Variants in CD48 observed in about 807,000 individuals in gnomAD.
The protein encoded by CD48 is CD48 molecule.
In CD48, 20 loss-of-function variants were observed where a neutral mutation model predicts 22.0. The ratio of observed to expected loss-of-function variants is 0.91; its 90% confidence interval spans 0.64 to 1.32. CD48 has a LOEUF of 1.32. Ranked by LOEUF, CD48 falls within the 40% of genes most tolerant of loss-of-function variation. The probability of loss-of-function intolerance (pLI) is 0.00; values close to 1 mark genes in which losing one functional copy is unlikely to be tolerated. For synonymous variants in CD48, 110 were observed against 110.1 expected (o/e 1.00, Z 0.01); for missense variants, 307 against 286.5 (o/e 1.07, Z -0.52).
chr1:160,709,148 G>A (rs938433111), intron 1 of CD48, among the ~76,000 whole-genome samples: 1 of 151,968 alleles, frequency 6.6e-6, no homozygotes, highest in African/African-American at 2.4e-5. Context: ...GTGGCAGCTT[G>A]TTAAATAGCA....
intron 2 of CD48, among the ~76,000 whole-genome samples, chr1:160,683,181 C>T (rs142530645): frequency 7.2e-5 from 11 of 152,332 alleles, no homozygotes; most frequent in African/African-American, 2.4e-4. Flanking sequence ...AGCCTCATAT[C>T]TTACACTCCT....
intron 1 of CD48, among the ~76,000 whole-genome samples, chr1:160,694,734 G>C (rs1005206640): frequency 6.6e-6 from 1 of 152,158 alleles, no homozygotes; most frequent in Non-Finnish European, 1.5e-5. Flanking sequence ...AATCACGGAA[G>C]AGAAGGAACA....
At chr1:160,688,369 C>A (rs1449007121) in intron 1 of CD48, among the ~76,000 whole-genome samples, 1 of 152,218 alleles carries the variant, frequency 6.6e-6, no homozygotes, top group African/African-American at 2.4e-5. Context: ...GGTAAAGTTA[C>A]TGGAATCCAG....
chr1:160,705,722 T>C (rs1308226314), intron 1 of CD48, among the ~76,000 whole-genome samples: 8 of 152,198 alleles, frequency 5.3e-5, no homozygotes, highest in African/African-American at 1.9e-4. Context: ...GAAGCGGTCA[T>C]AATAGGCAGT....
intron 1 of CD48, among the ~76,000 whole-genome samples, chr1:160,702,189 C>T (rs1662651921): frequency 6.6e-6 from 1 of 152,010 alleles, no homozygotes; most frequent in South Asian, 2.1e-4. Flanking sequence ...GCCCACTGAA[C>T]CTTGAGGTAA....
At chr1:160,705,755 T>C (rs576968538) in intron 1 of CD48, among the ~76,000 whole-genome samples, 5 of 152,202 alleles carry the variant, frequency 3.3e-5, no homozygotes, top group Non-Finnish European at 7.3e-5. Context: ...TTTTCAGTCT[T>C]GACATTATTG....
At chr1:160,689,906 G>A (rs961055349) in intron 1 of CD48, among the ~76,000 whole-genome samples, 9 of 152,110 alleles carry the variant, frequency 5.9e-5, no homozygotes, top group African/African-American at 1.9e-4. Flanking sequence ...ACTTGCCTTC[G>A]TTTATGGAAA....
chr1:160,694,694 G>T lies in CD48; in HGVS notation c.83-9505C>A, dbSNP rs184769397. On this transcript the variant is annotated intron_variant, in intron 1 of 3. Coordinates refer to ENST00000368046, the MANE Select transcript of CD48 (RefSeq NM_001778.4). ...AAAGGGACTAGGAAAAAATGAAGAT[G>T]GCATTAAAGTTCCAATTGAGGCTAA... Among the ~76,000 whole-genome samples, 20 of 152,160 alleles carry T rather than the reference G, an allele frequency of 1.3e-4. 1 individual carries two copies. The East Asian group carries it at 2.9e-3, about 22-fold the overall frequency.
intron 1 of CD48, 122 bp downstream of exon 1, chr1:160,711,560 G>T: frequency 1.4e-6 from 1 of 725,644 alleles, no homozygotes; most frequent in Non-Finnish European, 2.4e-6. Context: ...CTATTGGAAT[G>T]GAAATACCTG....
chr1:160,702,306 G>A (rs748755082), intron 1 of CD48, among the ~76,000 whole-genome samples: 48 of 152,220 alleles, frequency 3.2e-4, no homozygotes, highest in Non-Finnish European at 5.0e-4. Context: ...TGTGGAGGAG[G>A]ACAAGCATTG....
chr1:160,687,611 T>C (rs751823464), intron 1 of CD48, among the ~76,000 whole-genome samples: 3 of 152,224 alleles, frequency 2.0e-5, no homozygotes, highest in Non-Finnish European at 4.4e-5. Context: ...TTGGGGTCCC[T>C]GACTTCCTGC....
At chr1:160,711,573 T>C (rs1662947872) in intron 1 of CD48, 109 bp downstream of exon 1, 1 of 810,348 alleles carries the variant, frequency 1.2e-6, no homozygotes, top group African/African-American at 1.7e-5. Flanking sequence ...AATACCTGCT[T>C]TCCAGACACC....
At chr1:160,701,177 A>T (rs1001849573) in intron 1 of CD48, among the ~76,000 whole-genome samples, 2 of 9,428 alleles carry the variant, frequency 2.1e-4, no homozygotes, top group Non-Finnish European at 6.4e-4. Context: ...AAGCAATATA[A>T]AAAAAAATCT....
chr1:160,686,189 T>C (rs929934691), intron 1 of CD48, among the ~76,000 whole-genome samples: 1 of 151,668 alleles, frequency 6.6e-6, no homozygotes, highest in Non-Finnish European at 1.5e-5. Flanking sequence ...GGAAAAGGGG[T>C]TTTGGCTTCT....
intron 1 of CD48, among the ~76,000 whole-genome samples, chr1:160,693,005 G>A (rs1040994101): frequency 4.6e-5 from 7 of 152,218 alleles, no homozygotes; most frequent in South Asian, 2.1e-4. Context: ...AATTGATGGG[G>A]CACAAGAACA....
At chr1:160,703,132 C>A (rs902041017) in intron 1 of CD48, among the ~76,000 whole-genome samples, 10 of 152,082 alleles carry the variant, frequency 6.6e-5, no homozygotes, top group African/African-American at 2.4e-4. Context: ...GTGAGCTGAG[C>A]CTGAGTAATT....
chr1:160,686,676 G>A (rs898557721), intron 1 of CD48: 1 of 152,156 alleles, frequency 6.6e-6, no homozygotes, highest in Non-Finnish European at 1.5e-5. Context: ...GAGCATCTGG[G>A]GGAGACATCA....
At chr1:160,703,290 C>T (rs756941338) in intron 1 of CD48, among the ~76,000 whole-genome samples, 27 of 152,132 alleles carry the variant, frequency 1.8e-4, no homozygotes, top group Non-Finnish European at 2.6e-4. Context: ...GACTTCAGTA[C>T]GAAAAGTTTG....
chr1:160,692,493 T>C, intron 1 of CD48, among the ~76,000 whole-genome samples: 1 of 151,808 alleles, frequency 6.6e-6, no homozygotes, highest in East Asian at 1.9e-4. Flanking sequence ...TTAGAGAAAA[T>C]AAGACCCAAC....
Sources: gnomAD v4.1 joint callset for allele counts (sites outside exome capture counted in the v4.1 genomes callset) on GRCh38, gnomAD v4.1.1 for gene constraint, MANE v1.5 for transcripts, NCBI Gene and HGNC (gene_info 2026-07-23, HGNC 2026-07-21) for gene names.